The following CSMD1 variants were observed in gnomAD, a reference collection of about 807,000 sequenced individuals.
The protein encoded by CSMD1 is CUB and sushi domain-containing protein 1.
Under a neutral mutation model 417.5 loss-of-function variants are expected in CSMD1, and 213 were observed. That is an observed-to-expected ratio of 0.51 (90% CI 0.46 to 0.57). CSMD1 has a LOEUF of 0.57. Among genes scored for constraint, CSMD1 ranks in the 20% least tolerant of loss-of-function variants. The probability of loss-of-function intolerance (pLI) is 0.00; values close to 1 mark genes in which losing one functional copy is unlikely to be tolerated. For missense variants in CSMD1, 6,923 were observed against 4,529.7 expected (o/e 1.53, Z -15.17); for synonymous variants, 2,862 against 1,736.8 (o/e 1.65, Z -16.11).
intron 2 of CSMD1, among the ~76,000 whole-genome samples, chr8:4,550,350 C>T (rs1008025500): frequency 7.9e-5 from 12 of 151,664 alleles, no homozygotes; most frequent in Non-Finnish European, 8.8e-5. Flanking sequence ...CACACACACA[C>T]ACACACACAC....
intron 49 of CSMD1, among the ~76,000 whole-genome samples, chr8:3,071,756 A>C (rs978741144): frequency 4.6e-5 from 7 of 152,178 alleles, no homozygotes; most frequent in Admixed American, 2.0e-4. Context: ...AAACAGCCTA[A>C]ATGCAGACAG....
In CSMD1 at chr8:4,218,399, A is replaced by C. The variant is rs374244457; in HGVS notation, c.416-186300T>G. ...TTTCTTTAAACTTTTCTCTATCTCA[A>C]CTCGAAAATGACCTTTATATTATAT... On this transcript the variant is annotated intron_variant, in intron 3 of 69. Coordinates refer to ENST00000635120, the MANE Select transcript of CSMD1 (RefSeq NM_033225.6). Among the ~76,000 whole-genome samples the C allele has an allele frequency of 1.5e-4, 23 of 151,988 alleles. 1 individual carries two copies. The highest frequency in any genetic ancestry group is 5.3e-4 in the African/African-American group (22 of 41,462).
chr8:2,986,598 G>A lies in CSMD1; in HGVS notation c.8378-7798C>T, dbSNP rs144237024. On this transcript the variant is annotated intron_variant, in intron 54 of 69. Transcript: ENST00000635120. The stretch of plus-strand genomic sequence containing the variant: ...CAGCTCACTGCAAGCTACACCTCCC[G>A]GGTTCACACCATTCTCCTGCCTCAG... 3.6e-3 allele frequency among the ~76,000 whole-genome samples: 547 copies of A among 152,076 alleles called. 4 individuals are homozygous for A. Among genetic ancestry groups the A allele is most frequent in the African/African-American group, 0.012 (518 of 41,510 alleles).
intron 2 of CSMD1, among the ~76,000 whole-genome samples, chr8:4,632,483 G>C (rs1484371941): frequency 2.0e-5 from 3 of 152,174 alleles, no homozygotes; most frequent in African/African-American, 4.8e-5. Flanking sequence ...TTGCACTCCA[G>C]CCTGGGTGAC....
At chr8:3,807,074 A>G (rs957276186) in intron 5 of CSMD1, among the ~76,000 whole-genome samples, 9 of 152,120 alleles carry the variant, frequency 5.9e-5, no homozygotes, top group Non-Finnish European at 4.4e-5. Flanking sequence ...ATTACTATCC[A>G]TGGCTTCCCC....
chr8:3,274,106 C>T (rs1016956042), intron 26 of CSMD1, among the ~76,000 whole-genome samples: 6 of 151,694 alleles, frequency 4.0e-5, no homozygotes, highest in South Asian at 2.1e-4. Context: ...TGAATGTGTC[C>T]CAGAGACTCT....
intron 4 of CSMD1, among the ~76,000 whole-genome samples, chr8:4,022,220 T>A (rs1796825973): frequency 6.7e-6 from 1 of 148,564 alleles, no homozygotes; most frequent in Non-Finnish European, 1.5e-5. Context: ...TTGTTATTGG[T>A]AATAAAGGTG....
intron 3 of CSMD1, among the ~76,000 whole-genome samples, chr8:4,374,649 T>C (rs923387372): frequency 6.6e-6 from 1 of 152,130 alleles, no homozygotes; most frequent in African/African-American, 2.4e-5. Flanking sequence ...TTTAGCTGGA[T>C]GTTTTCTGAG....
At chr8:3,419,928 G>C (rs572776563) in intron 12 of CSMD1, among the ~76,000 whole-genome samples, 2 of 151,634 alleles carry the variant, frequency 1.3e-5, no homozygotes, top group Non-Finnish European at 2.9e-5. Flanking sequence ...TCAATTATCT[G>C]TGTGACTTCC....
chr8:3,560,147 T>C (rs1219981340), intron 10 of CSMD1, among the ~76,000 whole-genome samples: 1 of 152,168 alleles, frequency 6.6e-6, no homozygotes, highest in Non-Finnish European at 1.5e-5. Context: ...AAGTTGATTA[T>C]ATAACTTATC....
intron 5 of CSMD1, among the ~76,000 whole-genome samples, chr8:3,974,819 A>G (rs563084502): frequency 6.6e-6 from 1 of 152,282 alleles, no homozygotes; most frequent in Admixed American, 6.5e-5. Flanking sequence ...AGCATCTCCA[A>G]TGATGCAATT....
chr8:3,152,036 A>G (rs943211887), intron 39 of CSMD1, among the ~76,000 whole-genome samples: 1 of 152,210 alleles, frequency 6.6e-6, no homozygotes, highest in African/African-American at 2.4e-5. Flanking sequence ...TAAACAGTAC[A>G]ACCAGAAGGT....
intron 7 of CSMD1, among the ~76,000 whole-genome samples, chr8:3,628,462 A>T (rs932602850): frequency 2.6e-5 from 4 of 152,370 alleles, no homozygotes; most frequent in Admixed American, 2.0e-4. Context: ...GAATTATTTT[A>T]AAAAATCCTT....
intron 1 of CSMD1, among the ~76,000 whole-genome samples, chr8:4,825,820 C>T (rs564643597): frequency 6.6e-6 from 1 of 151,240 alleles, no homozygotes; most frequent in African/African-American, 2.4e-5. Context: ...ATCCCACAAT[C>T]CAATTAAGAA....
At chr8:3,809,021 G>C (rs34072618) in intron 5 of CSMD1, among the ~76,000 whole-genome samples, 2,214 of 152,218 alleles carry the variant, frequency 0.015, 47 homozygotes, top group East Asian at 0.037. Flanking sequence ...CAAGGATGCT[G>C]GAAGGCATGA....
intron 6 of CSMD1, among the ~76,000 whole-genome samples, chr8:3,721,307 G>C (rs891368397): frequency 1.3e-5 from 2 of 152,094 alleles, no homozygotes; most frequent in African/African-American, 4.8e-5. Context: ...CACATATTCG[G>C]GTGTGTAAGT....
chr8:3,317,702 T>TTGA (rs981953848), intron 23 of CSMD1, among the ~76,000 whole-genome samples: 72 of 152,344 alleles, frequency 4.7e-4, no homozygotes, highest in South Asian at 6.2e-4. Context: ...GTATCATTAC[T>TTGA]TGATGTGTTC....
intron 2 of CSMD1, among the ~76,000 whole-genome samples, chr8:4,554,853 G>A (rs1798019816): frequency 1.3e-5 from 2 of 152,180 alleles, no homozygotes; most frequent in Non-Finnish European, 2.9e-5. Flanking sequence ...GTTAAAAGCT[G>A]AAGATAAATA....
intron 10 of CSMD1, among the ~76,000 whole-genome samples, chr8:3,568,375 G>A (rs962452232): frequency 6.6e-6 from 1 of 152,062 alleles, no homozygotes; most frequent in Non-Finnish European, 1.5e-5. Flanking sequence ...CCTTGAGTCT[G>A]TACAGTTTTT....
Sources: gnomAD v4.1 joint callset for allele counts (sites outside exome capture counted in the v4.1 genomes callset) on GRCh38, gnomAD v4.1.1 for gene constraint, MANE v1.5 for transcripts, NCBI Gene and HGNC (gene_info 2026-07-23, HGNC 2026-07-21) for gene names.